SERPING1: variants seen among roughly 807,000 people sequenced by gnomAD.
The protein encoded by SERPING1 is plasma protease C1 inhibitor.
A neutral mutation model predicts 34.1 loss-of-function variants in SERPING1; 5 were observed. The ratio of observed to expected loss-of-function variants is 0.15; its 90% CI spans 0.08 to 0.31. SERPING1 has a LOEUF of 0.31. Among genes scored for constraint, SERPING1 ranks in the 10% least tolerant of loss-of-function variants. The probability of loss-of-function intolerance (pLI) is 1.00; values close to 1 mark genes in which losing one functional copy is unlikely to be tolerated. For missense variants in SERPING1, 505 were observed against 609.5 expected, an observed-to-expected ratio of 0.83 and a Z score of 1.81; for synonymous variants, 225 against 242.4, an observed-to-expected ratio of 0.93 and a Z score of 0.67.
intron 2 of SERPING1, among the ~76,000 whole-genome samples, chr11:57,598,537 T>G (rs1167214964): frequency 6.6e-6 from 1 of 152,122 alleles, no homozygotes; most frequent in Non-Finnish European, 1.5e-5. Context: ...GCGGGCCATG[T>G]AGGAGCTGCG....
At chr11:57,604,968 T>C (rs1565171298) in intron 4 of SERPING1, among the ~76,000 whole-genome samples, 1 of 151,870 alleles carries the variant, frequency 6.6e-6, no homozygotes, top group Non-Finnish European at 1.5e-5. Flanking sequence ...GCCTCTGTAC[T>C]CTAGGTTGGG....
intron 4 of SERPING1, among the ~76,000 whole-genome samples, chr11:57,602,757 A>C (rs1239086555): frequency 1.5e-5 from 2 of 135,856 alleles, no homozygotes; most frequent in African/African-American, 2.8e-5. Context: ...TCCGTCTCAA[A>C]AAAAAAAACA....
chr11:57,604,667 CT>C (rs1565171206), intron 4 of SERPING1, among the ~76,000 whole-genome samples: 3 of 151,586 alleles, frequency 2.0e-5, no homozygotes, highest in South Asian at 2.1e-4. Context: ...AAAAGGAAAA[CT>C]TTTTTTTAAG....
At chr11:57,606,751 A>G in intron 6 of SERPING1, 1 of 719,808 alleles carries the variant, frequency 1.4e-6, no homozygotes, top group Non-Finnish European at 2.5e-6. Context: ...GGCTGGAAAC[A>G]GGATTCTCAA....
At chr11:57,600,950 CA>C (rs35871015) in intron 3 of SERPING1, among the ~76,000 whole-genome samples, 87,738 of 140,892 alleles carry the variant, frequency 0.62, 26,373 homozygotes, top group East Asian at 0.87. Context: ...GACTCTGTCT[CA>C]AAAAAAAAAA....
At chr11:57,601,320 G>A (rs141952292) in intron 3 of SERPING1, among the ~76,000 whole-genome samples, 6 of 151,392 alleles carry the variant, frequency 4.0e-5, no homozygotes, top group African/African-American at 1.5e-4. Flanking sequence ...AGAATCACTT[G>A]AACACGGGAG....
chr11:57,609,504 C>A (rs995246844), intron 6 of SERPING1, among the ~76,000 whole-genome samples: 3 of 151,814 alleles, frequency 2.0e-5, no homozygotes, highest in Non-Finnish European at 4.4e-5. Flanking sequence ...CGCTTGAACC[C>A]GGGAGGCGAA....
At chr11:57,608,233 A>G (rs1565172333) in intron 6 of SERPING1, among the ~76,000 whole-genome samples, 1 of 152,234 alleles carries the variant, frequency 6.6e-6, no homozygotes, top group Non-Finnish European at 1.5e-5. Context: ...GGTGGAAAGT[A>G]GGAATTAAGA....
At chr11:57,613,625 G>T (rs1220312317) in intron 7 of SERPING1, among the ~76,000 whole-genome samples, 4 of 152,222 alleles carry the variant, frequency 2.6e-5, no homozygotes, top group African/African-American at 9.6e-5. Context: ...CTACCTTCCT[G>T]ACACATGTAT....
In SERPING1 at chr11:57,602,084, C is replaced by G. The variant is rs1945353862; in HGVS notation, c.600C>G (p.Pro200=). ...KTNLESILSY[P]KDFTCVHQAL... ...ACCTGGAGAGCATCCTCTCTTACCC[C>G]AAGGACTTCACCTGTGTCCACCAGG... The change falls in exon 4 of 8, where the codon CCC becomes CCG. Residue 200 remains proline, a synonymous_variant. Transcript: ENST00000278407. The G allele has an allele frequency of 1.9e-6, 3 of 1,614,144 alleles. No homozygotes were observed. Among genetic ancestry groups the G allele is most frequent in the African/African-American group, 2.7e-5 (2 of 75,048 alleles).
chr11:57,597,870 C>T (rs985952380), intron 1 of SERPING1, 148 bp downstream of exon 1: 21 of 203,114 alleles, frequency 1.0e-4, no homozygotes, highest in South Asian at 5.9e-4. Flanking sequence ...ACTTCTGCCT[C>T]CTCCTACCCC....
chr11:57,611,992 C>A, intron 7 of SERPING1, 56 bp downstream of exon 7: 2 of 1,380,768 alleles, frequency 1.4e-6, no homozygotes, highest in Non-Finnish European at 2.1e-6. Flanking sequence ...AAGGGGGGAT[C>A]CCTAAGATGT....
rs1322360802 is a variant in SERPING1, at chr11:57,600,165, C to G, written c.338C>G (p.Ser113Cys). ...CCAACTACCCAGCTCCCAACAGATT[C>G]TCCTACCCAGCCCACTACTGGGTCC... ...TQPTTQLPTD[S>C]PTQPTTGSFC... Residue 113 changes from serine to cysteine, a missense_variant, in exon 3 of 8, where the codon TCT (serine) becomes TGT (cysteine). Coordinates refer to ENST00000278407, the MANE Select transcript of SERPING1 (RefSeq NM_000062.3). The G allele has an allele frequency of 6.7e-7, 1 of 1,486,134 alleles. No individual in the cohort carries two copies. The highest frequency in any genetic ancestry group is 9.1e-7 in the Non-Finnish European group (1 of 1,098,840). The allele number at this position is 1,486,134 out of a possible 1,614,324, so 92.1% of individuals were successfully genotyped here.
chr11:57,606,302 A>G (rs1194534010), intron 5 of SERPING1, 89 bp downstream of exon 5: 2 of 1,596,494 alleles, frequency 1.3e-6, no homozygotes, highest in African/African-American at 1.3e-5. Flanking sequence ...AAGTTCTACA[A>G]TCGGATCTCA....
At chr11:57,602,195 C>A in intron 4 of SERPING1, 26 bp downstream of exon 4, 1 of 1,613,952 alleles carries the variant, frequency 6.2e-7, no homozygotes, top group South Asian at 1.1e-5. Flanking sequence ...TGGGCAGTGT[C>A]TGCAGAGGAG....
chr11:57,602,149 C>G lies in SERPING1; in HGVS notation c.665C>G (p.Ser222Cys). 6.2e-7 allele frequency: 1 copy of G among 1,614,202 alleles called. No homozygotes were observed. Among genetic ancestry groups the G allele is most frequent in the Non-Finnish European group, 8.5e-7 (1 of 1,180,046 alleles). ...ACGACCAAAGGTGTCACCTCAGTCT[C>G]TCAGATCTTCCACAGCCCAGGTGAG... ...GFTTKGVTSVSQIFHSPDLAI... is the reference protein window; with the variant it reads ...GFTTKGVTSVCQIFHSPDLAI... The change falls in exon 4 of 8, where the codon TCT (serine) becomes TGT (cysteine). Residue 222 changes from serine to cysteine, a missense_variant. Transcript: ENST00000278407.
At chr11:57,598,557 C>T (rs1945313723) in intron 2 of SERPING1, among the ~76,000 whole-genome samples, 2 of 152,068 alleles carry the variant, frequency 1.3e-5, no homozygotes, top group Admixed American at 6.6e-5. Context: ...GCAGCGTGGT[C>T]CTGAGGACGT....
Position 57,598,710 on chromosome 11 carries a change from T to C in SERPING1, c.51+389T>C, listed in dbSNP as rs370282349. ...GTGATATCAAAGCAAGAGTTTGTTG[T>C]AGAAAAGAGCTGTGGGGAGGAGAGG... is the stretch of plus-strand genomic sequence containing the variant. On this transcript the variant is annotated intron_variant, in intron 2 of 7. Coordinates refer to ENST00000278407, the MANE Select transcript of SERPING1 (RefSeq NM_000062.3). Among the ~76,000 whole-genome samples, 3 of 152,236 alleles carry C rather than the reference T, an allele frequency of 2.0e-5. No homozygotes were observed. The East Asian group carries it at 5.8e-4, about 29-fold the overall frequency.
intron 1 of SERPING1, 147 bp from the exon 2 acceptor site, chr11:57,598,102 A>G: frequency 1.7e-6 from 1 of 598,880 alleles, no homozygotes; most frequent in South Asian, 2.2e-5. Context: ...GGGAGGAGCC[A>G]GGGAGAAGGT....
Sources: allele counts gnomAD v4.1 joint callset (sites outside exome capture counted in the v4.1 genomes callset), GRCh38; gene constraint gnomAD v4.1.1; transcripts MANE v1.5; gene names NCBI Gene and HGNC (gene_info 2026-07-23, HGNC 2026-07-21).